PRPF40B: variants seen among roughly 807,000 people sequenced by gnomAD.
The protein encoded by PRPF40B is pre-mRNA-processing factor 40 homolog B.
In PRPF40B, 56 loss-of-function variants were observed where a neutral mutation model predicts 124.5. That is an observed-to-expected ratio of 0.45 (90% CI 0.36 to 0.56). The LOEUF is 0.56. Among genes scored for constraint, PRPF40B ranks in the 20% least tolerant of loss-of-function variants. The pLI is 0.00. For synonymous variants in PRPF40B, 443 were observed against 426.4 expected (o/e 1.04, Z -0.48); for missense variants, 1,053 against 1,169.5 (o/e 0.90, Z 1.45).
rs1592630708 is a variant in PRPF40B at position 49,644,625 on chromosome 12, GTTTTGTT to G, written c.*445_*451del. ...TCCACCCAGGACCTAATGTACGTGTGTTTTGTTTTTTGTTTTTTAAATAACAATATTT... is the reference window on the plus strand; with the variant it reads ...TCCACCCAGGACCTAATGTACGTGTGTTTTGTTTTTTAAATAACAATATTT... On this transcript the variant is annotated 3_prime_UTR_variant, in exon 26 of 26. Transcript: ENST00000548825. 1 of 188,684 alleles carries G rather than the reference GTTTTGTT, an allele frequency of 5.3e-6. No individual in the cohort carries two copies. The highest frequency in any genetic ancestry group is 1.1e-5 in the Non-Finnish European group (1 of 88,328). The allele number at this position is 188,684 out of a possible 1,614,324, so 11.7% of individuals were successfully genotyped here.
In PRPF40B at chr12:49,633,483, T is replaced by C. The variant is rs1202216824; in HGVS notation, c.516T>C (p.Tyr172=). 6.2e-7 allele frequency: 1 copy of C among 1,613,914 alleles called. No individual in the cohort carries two copies. Among genetic ancestry groups the C allele is most frequent in the South Asian group, 1.1e-5 (1 of 91,082 alleles). ...KEYKSDTGKP[Y]YYNNQSKESR... ...ACAAGTCGGACACAGGCAAACCTTA[T>C]TACTATAACAACCAGAGTAAAGAGT... is the stretch of plus-strand genomic sequence containing the variant. The change falls in exon 8 of 26, where the codon TAT becomes TAC. Residue 172 remains tyrosine, a synonymous_variant. Coordinates refer to ENST00000548825, the MANE Select transcript of PRPF40B (RefSeq NM_001031698.3).
In PRPF40B at chr12:49,631,762, G is replaced by A; in HGVS notation, c.229-98G>A. 1 of 1,334,788 alleles carries A rather than the reference G, an allele frequency of 7.5e-7. No individual in the cohort carries two copies. Among genetic ancestry groups the A allele is most frequent in the Non-Finnish European group, 1.1e-6 (1 of 927,490 alleles). The allele number at this position is 1,334,788 out of a possible 1,614,324, so 82.7% of individuals were successfully genotyped here. On this transcript the variant is annotated intron_variant, in intron 3 of 25. Coordinates refer to ENST00000548825, the MANE Select transcript of PRPF40B (RefSeq NM_001031698.3). This position sits in a 1 kb window ranked among gnomAD's most constrained non-coding sequence, Gnocchi z 4.3. ...GAGGAAGTGCCCAAGTGAGGGTCAT[G>A]GCTCCAGTGAGATGTCTCAGGACCC... is the stretch of plus-strand genomic sequence containing the variant.
At chr12:49,641,271 G>A (rs953738809) in intron 18 of PRPF40B, 1 of 152,332 alleles carries the variant, frequency 6.6e-6, no homozygotes, top group Non-Finnish European at 1.5e-5. Context: ...CATGGACTAA[G>A]TCATCTGGGT....
Position 49,642,211 on chromosome 12 carries a change from G to C in PRPF40B, c.1885-24G>C. 1 of 1,614,092 alleles carries C rather than the reference G, an allele frequency of 6.2e-7. No individual in the cohort carries two copies. The highest frequency in any genetic ancestry group is 8.5e-7 in the Non-Finnish European group (1 of 1,179,994). On this transcript the variant is annotated intron_variant, in intron 19 of 25. Coordinates refer to ENST00000548825, the MANE Select transcript of PRPF40B (RefSeq NM_001031698.3). The surrounding 1 kb of genome is among the most constrained non-coding windows in gnomAD (Gnocchi z 5.8). ...GGCATCCACCCTCCTGGGTGACCCTGTTCCGTGTCCCTTCTTTCCTCAGCT... is the reference window on the plus strand; with the variant it reads ...GGCATCCACCCTCCTGGGTGACCCTCTTCCGTGTCCCTTCTTTCCTCAGCT...
intron 4 of PRPF40B, chr12:49,632,146 G>A (rs1303272373): frequency 2.1e-5 from 13 of 619,696 alleles, no homozygotes; most frequent in Middle Eastern, 2.5e-4. Context: ...TGTTACTCAC[G>A]TGCCTTGTCC....
Position 49,623,569 on chromosome 12 carries a change from C to G in PRPF40B, c.-22C>G. The G allele has an allele frequency of 8.1e-7, 1 of 1,237,314 alleles. No individual in the cohort carries two copies. Among genetic ancestry groups the G allele is most frequent in the South Asian group, 3.8e-5 (1 of 26,538 alleles). 76.6% of individuals were successfully genotyped at this position (1,237,314 alleles called of 1,614,324 possible). On this transcript the variant is annotated 5_prime_UTR_variant, in exon 1 of 26. Transcript: ENST00000548825. ...TTACTGGCGGGTGGGCTGAGCCGGC[C>G]CAGCTGCTCGGAGGCTCTGGCATGG... is the stretch of plus-strand genomic sequence containing the variant.
intron 1 of PRPF40B, chr12:49,623,835 G>A (rs1331349552): frequency 7.2e-6 from 8 of 1,118,326 alleles, no homozygotes; most frequent in South Asian, 4.4e-5. Flanking sequence ...AGAGTGGCGG[G>A]ACTGGGTGAA....
chr12:49,631,924 C>A lies in PRPF40B; in HGVS notation c.293C>A (p.Ala98Glu). 6.2e-7 allele frequency: 1 copy of A among 1,613,996 alleles called. No homozygotes were observed. The highest frequency in any genetic ancestry group is 8.5e-7 in the Non-Finnish European group (1 of 1,179,866). ...MLMPAVPVTA[A>E]TAPGADTASS... The stretch of plus-strand genomic sequence containing the variant: ...ATGCCAGCGGTGCCTGTCACCGCAG[C>A]GGTAAGCACTAGGGGCCAGCAGGTA... The change falls in exon 4 of 26, where the codon GCG becomes GAG. Residue 98 changes from alanine to glutamate, a missense_variant and splice_region_variant. Coordinates refer to ENST00000548825, the MANE Select transcript of PRPF40B (RefSeq NM_001031698.3). The surrounding 1 kb of genome is among the most constrained non-coding windows in gnomAD (Gnocchi z 4.3).
At position 49,635,831 on chromosome 12, in the gene PRPF40B, G is replaced by A. The variant is rs538377623; in HGVS notation, c.1276-12G>A. The A allele has an allele frequency of 2.0e-5, 32 of 1,613,066 alleles. No homozygotes were observed. The highest frequency in any genetic ancestry group is 2.5e-5 in the Non-Finnish European group (30 of 1,179,746). On this transcript the variant is annotated splice_polypyrimidine_tract_variant and intron_variant, in intron 14 of 25. Transcript: ENST00000548825. The surrounding 1 kb of genome is among the most constrained non-coding windows in gnomAD (Gnocchi z 4.1). ...GCCTGCCCTGCCTCACCCTGATCCT[G>A]TGGCTCCCTAGGAACAGGCCAAGCA...
Position 49,635,550 on chromosome 12 carries a change from G to A in PRPF40B, c.1275+77G>A, listed in dbSNP as rs1166063973. 29 of 1,358,470 alleles carry A rather than the reference G, an allele frequency of 2.1e-5. No homozygotes were observed. Among genetic ancestry groups the A allele is most frequent in the East Asian group, 9.2e-5 (4 of 43,430 alleles). The allele number at this position is 1,358,470 out of a possible 1,614,324, so 84.2% of individuals were successfully genotyped here. On this transcript the variant is annotated intron_variant, in intron 14 of 25. Coordinates refer to ENST00000548825, the MANE Select transcript of PRPF40B (RefSeq NM_001031698.3). The surrounding 1 kb of genome is among the most constrained non-coding windows in gnomAD (Gnocchi z 4.1). Reference sequence around the variant, plus strand: ...TGTCTTTGCTTTGTTATGGACCCTCGCCATTTACTTCTCTACTTCCCCAGT... The same window carrying A: ...TGTCTTTGCTTTGTTATGGACCCTCACCATTTACTTCTCTACTTCCCCAGT...
chr12:49,639,928 G>A (rs1428845472), intron 18 of PRPF40B: 1 of 152,200 alleles, frequency 6.6e-6, no homozygotes, highest in Non-Finnish European at 1.5e-5. Context: ...CCTTATCCTG[G>A]GATAGCTAAA....
In PRPF40B at chr12:49,630,567, G is replaced by C; in HGVS notation, c.26G>C (p.Arg9Pro). Residue 9 changes from arginine to proline, a missense_variant, in exon 2 of 26, where the codon CGG (arginine) becomes CCG (proline). By Grantham distance (103) the Arg-to-Pro change is moderately radical (BLOSUM62 -2). This residue lies in a region of PRPF40B where 158 missense variants were observed against 117.3 expected (regional missense o/e 1.35). Transcript: ENST00000548825. ...CAGTCGGTTCCCGATTCTGGTCCCCGGCCCCCAGCAGCGCCTGCCCCCTTC... is the reference window on the plus strand; with the variant it reads ...CAGTCGGTTCCCGATTCTGGTCCCCCGCCCCCAGCAGCGCCTGCCCCCTTC... MSVPDSGP[R>P]PPAAPAPFPP... 2 of 1,402,790 alleles carry C rather than the reference G, an allele frequency of 1.4e-6. No individual in the cohort carries two copies. The highest frequency in any genetic ancestry group is 1.0e-6 in the Non-Finnish European group (1 of 997,158). 86.9% of individuals were successfully genotyped at this position (1,402,790 alleles called of 1,614,324 possible). A position where few individuals can be genotyped will look rare whatever the true frequency, so the allele number is the denominator to read the frequency against.
chr12:49,633,074 G>A lies in PRPF40B; in HGVS notation c.409G>A (p.Asp137Asn), dbSNP rs114804023. ...DGRIYYYNADDKQSVWEKPSV... is the reference protein window; with the variant it reads ...DGRIYYYNADNKQSVWEKPSV... ...GCGCATCTACTACTACAATGCTGACGACAAGCAGTCCGTGTGGGAGAAGCC... is the reference window on the plus strand; with the variant it reads ...GCGCATCTACTACTACAATGCTGACAACAAGCAGTCCGTGTGGGAGAAGCC... Residue 137 changes from aspartate (D) to asparagine (N), a missense_variant, in exon 7 of 26, where the codon GAC becomes AAC. This residue lies in a region of PRPF40B where 895 missense variants were observed against 1,052.2 expected (regional missense o/e 0.85). Transcript: ENST00000548825. 486 of 1,533,094 alleles carry A rather than the reference G, an allele frequency of 3.2e-4. No individual in the cohort carries two copies. The highest frequency in any genetic ancestry group is 4.0e-4 in the Non-Finnish European group (450 of 1,135,024). 95.0% of individuals were successfully genotyped at this position (1,533,094 alleles called of 1,614,324 possible). A position where few individuals can be genotyped will look rare whatever the true frequency, so the allele number is the denominator to read the frequency against.
chr12:49,630,635 A>C lies in PRPF40B; in HGVS notation c.84+10A>C, dbSNP rs1446501386. ...GATGCCACCACCCTTCGTAAGTTTT[A>C]TGTCTTTCCCTGGGCTTGGCTTTTC... On this transcript the variant is annotated intron_variant, in intron 2 of 25. Coordinates refer to ENST00000548825, the MANE Select transcript of PRPF40B (RefSeq NM_001031698.3). 3.1e-6 allele frequency: 4 copies of C among 1,293,936 alleles called. No homozygotes were observed. Among genetic ancestry groups the C allele is most frequent in the Non-Finnish European group, 4.5e-6 (4 of 890,448 alleles). The allele number at this position is 1,293,936 out of a possible 1,614,324, so 80.2% of individuals were successfully genotyped here.
chr12:49,633,207 A>C, intron 7 of PRPF40B, 83 bp downstream of exon 7: 1 of 1,300,030 alleles, frequency 7.7e-7, no homozygotes, highest in Non-Finnish European at 1.1e-6. Context: ...CTCTAACCAT[A>C]TTCATGATGG....
rs1178684488 is a variant in PRPF40B, at chr12:49,633,906, C to T, written c.626C>T (p.Pro209Leu). 6.2e-7 allele frequency: 1 copy of T among 1,614,158 alleles called. No individual in the cohort carries two copies. The highest frequency in any genetic ancestry group is 1.3e-5 in the African/African-American group (1 of 75,068). Residue 209 changes from proline to leucine, a missense_variant, in exon 10 of 26, where the codon CCA (proline) becomes CTA (leucine). By Grantham distance (98) the Pro-to-Leu change is moderately conservative. This residue lies in a region of PRPF40B where 895 missense variants were observed against 1,052.2 expected (regional missense o/e 0.85). Coordinates refer to ENST00000548825, the MANE Select transcript of PRPF40B (RefSeq NM_001031698.3). ...TGCAGGAAACAGCAGCAGCAGCTGC[C>T]ACAGACACTTCAGCCACAGCCACCT... ...EAAGKQQQQL[P>L]QTLQPQPPQP...
In PRPF40B at chr12:49,642,605, C is replaced by T; in HGVS notation, c.2048C>T (p.Ser683Leu). ...GTCCGTGAGCGTTTTGTGTGTGACTCAGCCTTTGAGCAGATCACCCTGGAG... is the reference window on the plus strand; with the variant it reads ...GTCCGTGAGCGTTTTGTGTGTGACTTAGCCTTTGAGCAGATCACCCTGGAG... ...EEVRERFVCD[S>L]AFEQITLESE... The change falls in exon 21 of 26, where the codon TCA (serine) becomes TTA (leucine). Residue 683 changes from serine (S) to leucine (L), a missense_variant. Transcript: ENST00000548825. This position sits in a 1 kb window ranked among gnomAD's most constrained non-coding sequence, Gnocchi z 5.8. The T allele has an allele frequency of 6.2e-7, 1 of 1,614,242 alleles. No individual in the cohort carries two copies. The highest frequency in any genetic ancestry group is 8.5e-7 in the Non-Finnish European group (1 of 1,180,034).
In PRPF40B at chr12:49,635,082, C is replaced by G. The variant is rs1592592392; in HGVS notation, c.1002-17C>G. 6.2e-7 allele frequency: 1 copy of G among 1,606,018 alleles called. No individual in the cohort carries two copies. The highest frequency in any genetic ancestry group is 8.5e-7 in the Non-Finnish European group (1 of 1,176,742). ...GTGACTTCTCTATCCCCACCCCACTCCTACCCTCTATCCCAGTGCCTTGCC... is the reference window on the plus strand; with the variant it reads ...GTGACTTCTCTATCCCCACCCCACTGCTACCCTCTATCCCAGTGCCTTGCC... On this transcript the variant is annotated splice_polypyrimidine_tract_variant and intron_variant, in intron 12 of 25. Coordinates refer to ENST00000548825, the MANE Select transcript of PRPF40B (RefSeq NM_001031698.3). This position sits in a 1 kb window ranked among gnomAD's most constrained non-coding sequence, Gnocchi z 4.1.
At chr12:49,623,214 T>C (rs1018323297), upstream of PRPF40B, among the ~76,000 whole-genome samples, 1 of 152,014 alleles carries the variant, frequency 6.6e-6, no homozygotes, top group African/African-American at 2.4e-5. Context: ...AAAGGCACCC[T>C]ACACACTGCG....
Sources: gnomAD v4.1 joint callset for allele counts (sites outside exome capture counted in the v4.1 genomes callset) on GRCh38, gnomAD v4.1.1 for gene constraint, gnomAD v4.1.1 regional missense constraint, Gnocchi (gnomAD v3.1) non-coding constraint, MANE v1.5 for transcripts, NCBI Gene and HGNC (gene_info 2026-07-23, HGNC 2026-07-21) for gene names.